The following GCNT2 variants were observed in gnomAD, a reference collection of about 807,000 sequenced individuals.
GCNT2 encodes the protein N-acetyllactosaminide beta-1,6-N-acetylglucosaminyl-transferase.
In GCNT2, 34 loss-of-function variants were observed where a neutral mutation model predicts 34.2. The observed-to-expected ratio is 1.00, with a 90% CI of 0.76 to 1.32. The LOEUF (loss-of-function observed/expected upper bound fraction) is 1.32. Among genes scored for constraint, GCNT2 ranks in the 40% most tolerant of loss-of-function variants. The pLI is 0.00. For synonymous variants in GCNT2, 212 were observed against 188.0 expected, an observed-to-expected ratio of 1.13 and a Z score of -1.04; for missense variants, 584 against 489.4, an observed-to-expected ratio of 1.19 and a Z score of -1.82.
At chr6:10,566,740 AT>A (rs1763300674) in intron 3 of GCNT2, among the ~76,000 whole-genome samples, 1 of 152,218 alleles carries the variant, frequency 6.6e-6, no homozygotes, top group Non-Finnish European at 1.5e-5. Flanking sequence ...GTCCCAACTT[AT>A]ATTTGTTTAA....
chr6:10,593,362 G>A (rs1764727427), intron 3 of GCNT2, among the ~76,000 whole-genome samples: 1 of 152,006 alleles, frequency 6.6e-6, no homozygotes, highest in Non-Finnish European at 1.5e-5. Flanking sequence ...TTTTGAGATA[G>A]GGTCTCCCTC....
intron 4 of GCNT2, among the ~76,000 whole-genome samples, chr6:10,623,005 G>A (rs1340946182): frequency 6.6e-6 from 1 of 151,720 alleles, no homozygotes; most frequent in Non-Finnish European, 1.5e-5. Flanking sequence ...TGCCCCCCTT[G>A]GTCCCCCAAA....
intron 3 of GCNT2, among the ~76,000 whole-genome samples, chr6:10,553,896 A>C (rs1270171319): frequency 6.6e-6 from 1 of 152,240 alleles, no homozygotes; most frequent in African/African-American, 2.4e-5. Context: ...ACTGCCTCAA[A>C]GGAAAAAAAC....
intron 3 of GCNT2, among the ~76,000 whole-genome samples, chr6:10,537,724 A>C (rs1227162504): frequency 7.6e-6 from 1 of 130,972 alleles, no homozygotes; most frequent in Admixed American, 7.6e-5. Flanking sequence ...AAAAAAAAAA[A>C]AACAAAACAA....
At chr6:10,573,389 A>G in intron 3 of GCNT2, 1 of 684,156 alleles carries the variant, frequency 1.5e-6, no homozygotes, top group Non-Finnish European at 1.8e-6. Flanking sequence ...TAGTGTTAAC[A>G]GCTGGGCAGT....
rs145272967 is a variant in GCNT2 at position 10,560,152 on chromosome 6, G to A, written c.925+30316G>A. On this transcript the variant is annotated intron_variant, in intron 3 of 4. Coordinates refer to ENST00000495262, the MANE Select transcript of GCNT2 (RefSeq NM_145649.5). ...AGCCCAGGCTGGAGTGCAGTGGTGC[G>A]ATCTCGGCTTACTGCAACCTCTGCC... Among the ~76,000 whole-genome samples the A allele has an allele frequency of 1.6e-3, 238 of 152,180 alleles. 3 individuals are homozygous for A. The highest frequency in any genetic ancestry group is 5.2e-3 in the African/African-American group (217 of 41,534).
intron 3 of GCNT2, chr6:10,555,654 A>C: frequency 5.4e-6 from 4 of 746,218 alleles, no homozygotes; most frequent in Non-Finnish European, 6.5e-6. Context: ...GGTTCGTTTC[A>C]GAGTCAGGAG....
intron 3 of GCNT2, among the ~76,000 whole-genome samples, chr6:10,616,374 T>C (rs1038244853): frequency 7.9e-5 from 12 of 152,172 alleles, no homozygotes; most frequent in Non-Finnish European, 1.3e-4. Flanking sequence ...TTCCACAGTG[T>C]GGAAAGCAAC....
At chr6:10,560,926 T>C (rs1288874320) in intron 3 of GCNT2, among the ~76,000 whole-genome samples, 2 of 152,148 alleles carry the variant, frequency 1.3e-5, no homozygotes, top group Non-Finnish European at 2.9e-5. Context: ...GTGTGGCTTG[T>C]GCACAGATGG....
intron 1 of GCNT2, among the ~76,000 whole-genome samples, chr6:10,522,132 C>T (rs1760943884): frequency 1.3e-5 from 2 of 152,148 alleles, no homozygotes; most frequent in Admixed American, 6.5e-5. Context: ...ATGTGATCCA[C>T]CTGCCTCAGC....
At chr6:10,594,889 A>T (rs568644698) in intron 3 of GCNT2, among the ~76,000 whole-genome samples, 353 of 151,992 alleles carry the variant, frequency 2.3e-3, no homozygotes, top group African/African-American at 7.5e-3. Context: ...TCTGTTCCCC[A>T]GGCTGGAGTG....
Position 10,616,097 on chromosome 6 carries a change from T to C in GCNT2, c.926-5254T>C, listed in dbSNP as rs374310085. Among the ~76,000 whole-genome samples, 64 of 151,574 alleles carry C rather than the reference T, an allele frequency of 4.2e-4. 1 individual carries two copies. The highest frequency in any genetic ancestry group is 3.4e-3 in the Middle Eastern group (1 of 294). On this transcript the variant is annotated intron_variant, in intron 3 of 4. Transcript: ENST00000495262. ...CGGGTCTGGAGTTTGTTCCCTCTAA[T>C]GTTTGGATGTGTTCAGAGTTTTTTC...
At chr6:10,613,689 A>G (rs1392337848) in intron 3 of GCNT2, among the ~76,000 whole-genome samples, 2 of 152,204 alleles carry the variant, frequency 1.3e-5, no homozygotes, top group African/African-American at 4.8e-5. Context: ...AAGCACAAGT[A>G]TTGTTTTATG....
intron 3 of GCNT2, among the ~76,000 whole-genome samples, chr6:10,531,978 T>C (rs1339579654): frequency 1.3e-5 from 2 of 151,706 alleles, no homozygotes; most frequent in African/African-American, 4.8e-5. Flanking sequence ...ATTAAAAGAT[T>C]TGCTCAGGAA....
chr6:10,557,967 C>T (rs1762797976), intron 3 of GCNT2: 1 of 152,654 alleles, frequency 6.6e-6, no homozygotes, highest in South Asian at 2.1e-4. Context: ...ATTTGTCAGG[C>T]TTGCTCTTAC....
At chr6:10,618,331 T>G (rs754239327) in intron 3 of GCNT2, among the ~76,000 whole-genome samples, 24 of 152,234 alleles carry the variant, frequency 1.6e-4, no homozygotes, top group Admixed American at 4.6e-4. Flanking sequence ...GTTTGGAATT[T>G]CAGTAACACG....
At chr6:10,608,545 G>T (rs1027017514) in intron 3 of GCNT2, among the ~76,000 whole-genome samples, 4 of 152,128 alleles carry the variant, frequency 2.6e-5, no homozygotes, top group Non-Finnish European at 5.9e-5. Flanking sequence ...AGTATAAAAA[G>T]AGGAATTACT....
At chr6:10,531,447 A>G (rs921319663) in intron 3 of GCNT2, among the ~76,000 whole-genome samples, 16 of 152,328 alleles carry the variant, frequency 1.1e-4, no homozygotes, top group Middle Eastern at 3.4e-3. Context: ...TGGGGCTTCT[A>G]AAAATAACTA....
intron 3 of GCNT2, among the ~76,000 whole-genome samples, chr6:10,595,933 C>CA (rs1025783714): frequency 6.6e-6 from 1 of 151,974 alleles, no homozygotes; most frequent in African/African-American, 2.4e-5. Flanking sequence ...AAACTCAAAG[C>CA]AAAAAAACCG....
Sources: gnomAD v4.1 joint callset for allele counts (sites outside exome capture counted in the v4.1 genomes callset) on GRCh38, gnomAD v4.1.1 for gene constraint, MANE v1.5 for transcripts, NCBI Gene and HGNC (gene_info 2026-07-23, HGNC 2026-07-21) for gene names.